Variants in PRKAR1B observed in about 807,000 individuals in gnomAD.
PRKAR1B encodes cAMP-dependent protein kinase type I-beta regulatory subunit.
Under a neutral mutation model 46.5 loss-of-function variants are expected in PRKAR1B, and 22 were observed. That is an observed-to-expected ratio of 0.47 (90% CI 0.34 to 0.68). The LOEUF is 0.68. PRKAR1B is among the 30% of genes least tolerant of loss of function. PRKAR1B has a pLI of 0.01. For missense variants in PRKAR1B, 445 were observed against 535.6 expected, an observed-to-expected ratio of 0.83 and a Z score of 1.67; for synonymous variants, 259 against 217.7, an observed-to-expected ratio of 1.19 and a Z score of -1.67.
rs370160615 is a variant in PRKAR1B at position 563,591 on chromosome 7, T to A, written c.892-12121A>T. 9.9e-5 allele frequency among the ~76,000 whole-genome samples: 15 copies of A among 151,632 alleles called. No homozygotes were observed. In the East Asian group the frequency reaches 2.3e-3, roughly 24 times the overall value. ...GTGCGTGCACAGGTGTGTGTATGGG[T>A]GTGTTATTGTGTGCACAGGTATGTG... On this transcript the variant is annotated intron_variant, in intron 9 of 10. Coordinates refer to ENST00000537384, the MANE Select transcript of PRKAR1B (RefSeq NM_001164760.2).
chr7:570,279 T>G (rs9691110), intron 9 of PRKAR1B, among the ~76,000 whole-genome samples: 80,731 of 152,090 alleles, frequency 0.53, 21,644 homozygotes, highest in Admixed American at 0.63. Flanking sequence ...GGCCAGGGAT[T>G]TGGTTCTGAG....
intron 9 of PRKAR1B, 141 bp downstream of exon 9, chr7:579,115 T>C: frequency 6.5e-7 from 1 of 1,545,088 alleles, no homozygotes; most frequent in South Asian, 1.2e-5. Context: ...ACCCACCCCA[T>C]GGAGGCCCCG....
At chr7:636,734 G>C (rs918539941) in intron 4 of PRKAR1B, among the ~76,000 whole-genome samples, 1 of 152,202 alleles carries the variant, frequency 6.6e-6, no homozygotes, top group Non-Finnish European at 1.5e-5. Flanking sequence ...CTGCTGGGGA[G>C]GGGGCCGGCG....
intron 8 of PRKAR1B, among the ~76,000 whole-genome samples, chr7:581,222 G>C (rs1780165049): frequency 6.7e-6 from 1 of 150,330 alleles, no homozygotes; most frequent in South Asian, 2.1e-4. Context: ...AGAATGGCGT[G>C]AACCCGGGAG....
intron 1 of PRKAR1B, 120 bp from the exon 2 acceptor site, chr7:711,647 C>T: frequency 1.1e-6 from 1 of 906,466 alleles, no homozygotes. Context: ...ACTGATTCTG[C>T]ATTTGTCAAA....
intron 2 of PRKAR1B, among the ~76,000 whole-genome samples, chr7:693,648 G>A (rs1297610957): frequency 1.3e-5 from 2 of 152,148 alleles, no homozygotes; most frequent in Non-Finnish European, 2.9e-5. Context: ...GTCCTCTCGA[G>A]CTGACGGACG....
At chr7:670,240 G>A (rs181818255) in intron 4 of PRKAR1B, among the ~76,000 whole-genome samples, 4 of 152,258 alleles carry the variant, frequency 2.6e-5, no homozygotes, top group African/African-American at 4.8e-5. Context: ...GAAATGAGAT[G>A]GAGCTACAAG....
chr7:716,221 CA>C (rs1780879405), intron 1 of PRKAR1B, among the ~76,000 whole-genome samples: 1 of 126,834 alleles, frequency 7.9e-6, no homozygotes, highest in Admixed American at 8.5e-5. Context: ...TACTTAAAAA[CA>C]TTTTTTTTTT....
At position 666,178 on chromosome 7, in the gene PRKAR1B, C is replaced by G. The variant is rs114279051; in HGVS notation, c.440+11051G>C. ...TAATCAGGGAAAGCCGGGAAGGGAC[C>G]GGGATAGAACCCAAGGGCCTCCACC... On this transcript the variant is annotated intron_variant, in intron 4 of 10. Coordinates refer to ENST00000537384, the MANE Select transcript of PRKAR1B (RefSeq NM_001164760.2). The surrounding 1 kb of genome is among the most constrained non-coding windows in gnomAD (Gnocchi z 4.9). 6.6e-6 allele frequency among the ~76,000 whole-genome samples: 1 copy of G among 152,058 alleles called. No homozygotes were observed. Among genetic ancestry groups the G allele is most frequent in the Non-Finnish European group, 1.5e-5 (1 of 68,032 alleles).
chr7:578,539 C>T (rs1779989455), intron 9 of PRKAR1B, among the ~76,000 whole-genome samples: 1 of 152,160 alleles, frequency 6.6e-6, no homozygotes, highest in Non-Finnish European at 1.5e-5. Context: ...ATGCGATGTC[C>T]CCAACAGTGA....
intron 4 of PRKAR1B, among the ~76,000 whole-genome samples, chr7:627,698 G>A (rs914364590): frequency 8.6e-5 from 13 of 152,038 alleles, no homozygotes; most frequent in African/African-American, 1.4e-4. Flanking sequence ...GGGCTCGGGC[G>A]CTCTCCATCC....
chr7:624,238 G>A (rs1783260505), intron 4 of PRKAR1B, among the ~76,000 whole-genome samples: 1 of 152,200 alleles, frequency 6.6e-6, no homozygotes, highest in Non-Finnish European at 1.5e-5. Flanking sequence ...TTCGAGACCA[G>A]CCTGGCCAAC....
At chr7:691,178 C>T (rs974072047) in intron 2 of PRKAR1B, among the ~76,000 whole-genome samples, 12 of 150,404 alleles carry the variant, frequency 8.0e-5, no homozygotes, top group Admixed American at 1.3e-4. Flanking sequence ...CTGTCCACTG[C>T]GCTGCAAATC....
Position 680,975 on chromosome 7 carries a change from AATCCCCATC to A in PRKAR1B, c.178-258_178-250del, listed in dbSNP as rs1257179298. The stretch of plus-strand genomic sequence containing the variant: ...CCCACCAAATCTCATCTTGAATTGT[AATCCCCATC>A]ATCCCCATCATCCCCACTTGTCCAG... On this transcript the variant is annotated intron_variant, in intron 2 of 10. Transcript: ENST00000537384. Among the ~76,000 whole-genome samples, 8 of 152,128 alleles carry A rather than the reference AATCCCCATC, an allele frequency of 5.3e-5. No individual in the cohort carries two copies. The South Asian group carries it at 1.2e-3, about 24-fold the overall frequency.
At chr7:694,530 G>A (rs1308107033) in intron 2 of PRKAR1B, among the ~76,000 whole-genome samples, 5 of 152,196 alleles carry the variant, frequency 3.3e-5, no homozygotes, top group South Asian at 2.1e-4. Context: ...GGCCCCAGGC[G>A]ATGTGCCTGG....
intron 9 of PRKAR1B, among the ~76,000 whole-genome samples, chr7:569,310 C>T (rs961423689): frequency 6.6e-6 from 1 of 152,202 alleles, no homozygotes; most frequent in Non-Finnish European, 1.5e-5. Context: ...GCCTGCCGGC[C>T]GCCCCAATTC....
At chr7:583,657 T>G in intron 8 of PRKAR1B, among the ~76,000 whole-genome samples, 1 of 106,966 alleles carries the variant, frequency 9.3e-6, no homozygotes, top group African/African-American at 4.1e-5. Flanking sequence ...TGCACACCCA[T>G]GCGCACACAC....
At chr7:704,488 A>C (rs1780211643) in intron 2 of PRKAR1B, among the ~76,000 whole-genome samples, 1 of 152,202 alleles carries the variant, frequency 6.6e-6, no homozygotes, top group Non-Finnish European at 1.5e-5. Context: ...GAAATACACA[A>C]ACTATGGCCG....
At chr7:554,746 G>A (rs1050729382) in intron 9 of PRKAR1B, among the ~76,000 whole-genome samples, 3 of 150,934 alleles carry the variant, frequency 2.0e-5, no homozygotes, top group Non-Finnish European at 3.0e-5. Flanking sequence ...GGAGGCCACG[G>A]ATCCCACAGA....
Sources: allele counts gnomAD v4.1 joint callset (sites outside exome capture counted in the v4.1 genomes callset), GRCh38; gene constraint gnomAD v4.1.1; non-coding constraint Gnocchi (gnomAD v3.1); transcripts MANE v1.5; gene names NCBI Gene and HGNC (gene_info 2026-07-23, HGNC 2026-07-21).